Variants in TYW1B observed in about 807,000 individuals in gnomAD.
TYW1B encodes the protein tRNA-yW synthesizing protein 1 homolog B.
Under a neutral mutation model 86.9 loss-of-function variants are expected in TYW1B, and 73 were observed. The observed-to-expected ratio is 0.84, with a 90% CI of 0.70 to 1.02. The LOEUF (loss-of-function observed/expected upper bound fraction) is 1.02. Ranked by LOEUF, TYW1B falls within the 50% of genes least tolerant of loss-of-function variation. The probability of loss-of-function intolerance (pLI) is 0.00; values close to 1 mark genes in which losing one functional copy is unlikely to be tolerated. For missense variants in TYW1B, 637 were observed against 827.4 expected (o/e 0.77, Z 2.82); for synonymous variants, 248 against 292.8 (o/e 0.85, Z 1.56).
chr7:72,653,157 AAGTC>A (rs1485887384), intron 11 of TYW1B, among the ~76,000 whole-genome samples: 12 of 152,324 alleles, frequency 7.9e-5, no homozygotes, highest in African/African-American at 2.6e-4. Flanking sequence ...GAAATTATAA[AAGTC>A]AGAGCAGAAA....
intron 6 of TYW1B, among the ~76,000 whole-genome samples, chr7:72,779,439 G>A (rs558476940): frequency 2.7e-3 from 411 of 152,404 alleles, no homozygotes; most frequent in African/African-American, 9.5e-3. Context: ...ACACGTGGCC[G>A]GGCACGTTGG....
At chr7:72,776,340 T>G (rs1554470525) in intron 7 of TYW1B, among the ~76,000 whole-genome samples, 1 of 151,938 alleles carries the variant, frequency 6.6e-6, no homozygotes, top group Non-Finnish European at 1.5e-5. Context: ...ATCCCAGCAC[T>G]TTGGGAGGCT....
At chr7:72,740,091 G>C (rs1787275017) in intron 8 of TYW1B, among the ~76,000 whole-genome samples, 2 of 149,818 alleles carry the variant, frequency 1.3e-5, no homozygotes, top group South Asian at 4.3e-4. Flanking sequence ...AAATTAGCCG[G>C]GTGTGGTGGC....
At chr7:72,710,912 C>T (rs73135166) in intron 10 of TYW1B, among the ~76,000 whole-genome samples, 586 of 152,304 alleles carry the variant, frequency 3.8e-3, no homozygotes, top group Non-Finnish European at 4.6e-3. Flanking sequence ...AATACTTTCA[C>T]CTTTTTTCAC....
intron 13 of TYW1B, among the ~76,000 whole-genome samples, chr7:72,579,856 G>T (rs1256343060): frequency 1.3e-5 from 2 of 152,022 alleles, no homozygotes; most frequent in African/African-American, 4.8e-5. Context: ...TAGCTATTTT[G>T]CCCAGGCTGC....
At chr7:72,806,394 C>T (rs1788495928) in intron 5 of TYW1B, among the ~76,000 whole-genome samples, 2 of 151,960 alleles carry the variant, frequency 1.3e-5, no homozygotes, top group Admixed American at 6.6e-5. Context: ...CGCCACCACA[C>T]CTGGCTAATC....
intron 13 of TYW1B, among the ~76,000 whole-genome samples, chr7:72,582,925 G>A (rs1811191295): frequency 6.6e-6 from 1 of 152,152 alleles, no homozygotes; most frequent in African/African-American, 2.4e-5. Context: ...TGTGAACAGT[G>A]TTCACGTGGT....
intron 13 of TYW1B, among the ~76,000 whole-genome samples, chr7:72,614,363 T>C (rs552974518): frequency 7.8e-4 from 119 of 152,304 alleles, no homozygotes; most frequent in African/African-American, 2.7e-3. Context: ...CTGGGCATGG[T>C]GGCCCATGCC....
intron 6 of TYW1B, among the ~76,000 whole-genome samples, chr7:72,795,263 C>T (rs756919948): frequency 1.3e-5 from 2 of 152,008 alleles, no homozygotes; most frequent in Non-Finnish European, 2.9e-5. Flanking sequence ...ACAAAAAAAT[C>T]CACTGCAAAT....
intron 9 of TYW1B, among the ~76,000 whole-genome samples, chr7:72,725,115 C>T (rs1185413701): frequency 6.6e-6 from 1 of 152,322 alleles, no homozygotes; most frequent in African/African-American, 2.4e-5. Flanking sequence ...ATGAAAAACA[C>T]GTGCTCACGG....
At chr7:72,666,754 G>A (rs1223474243) in intron 11 of TYW1B, among the ~76,000 whole-genome samples, 14 of 151,828 alleles carry the variant, frequency 9.2e-5, no homozygotes, top group African/African-American at 3.1e-4. Flanking sequence ...GAAACCAGTC[G>A]GGCGCGGTGG....
At chr7:72,782,413 C>A (rs1223045100) in intron 6 of TYW1B, among the ~76,000 whole-genome samples, 1 of 152,198 alleles carries the variant, frequency 6.6e-6, no homozygotes, top group Admixed American at 6.6e-5. Flanking sequence ...AACTGATTTG[C>A]TGAAGACTTT....
intron 13 of TYW1B, among the ~76,000 whole-genome samples, chr7:72,588,439 C>T (rs1483905005): frequency 6.6e-6 from 1 of 152,162 alleles, no homozygotes; most frequent in East Asian, 1.9e-4. Flanking sequence ...TAAGAGAATA[C>T]TGTGCAAAAC....
chr7:72,789,235 G>A (rs782139465), intron 6 of TYW1B, among the ~76,000 whole-genome samples: 1 of 152,080 alleles, frequency 6.6e-6, no homozygotes, highest in Non-Finnish European at 1.5e-5. Flanking sequence ...CCGAGTTCAA[G>A]CGATTCTCCT....
chr7:72,659,540 T>C (rs534517377), intron 11 of TYW1B, among the ~76,000 whole-genome samples: 67 of 152,242 alleles, frequency 4.4e-4, no homozygotes, highest in African/African-American at 1.6e-3. Flanking sequence ...ATCATGCCAC[T>C]GCACTCTAGC....
At chr7:72,742,527 G>T (rs559253173) in intron 8 of TYW1B, among the ~76,000 whole-genome samples, 5 of 152,296 alleles carry the variant, frequency 3.3e-5, no homozygotes, top group Admixed American at 3.3e-4. Context: ...TGGGCATACA[G>T]TATATAAAGT....
At chr7:72,642,640 C>T (rs528438070) in intron 11 of TYW1B, among the ~76,000 whole-genome samples, 12 of 152,318 alleles carry the variant, frequency 7.9e-5, no homozygotes, top group African/African-American at 2.4e-4. Flanking sequence ...CAGTGGCTCA[C>T]GCCTGTAATC....
intron 8 of TYW1B, among the ~76,000 whole-genome samples, chr7:72,734,903 G>A (rs1293615070): frequency 1.5e-4 from 23 of 152,032 alleles, no homozygotes; most frequent in South Asian, 4.1e-4. Flanking sequence ...AATCAAAACC[G>A]CAATGAAATT....
chr7:72,711,233 C>T (rs782216005), intron 10 of TYW1B, among the ~76,000 whole-genome samples: 2 of 152,036 alleles, frequency 1.3e-5, no homozygotes, highest in Non-Finnish European at 2.9e-5. Flanking sequence ...GCTATGCCTG[C>T]CGCGCAGAAA....
Sources: gnomAD v4.1 joint callset for allele counts (sites outside exome capture counted in the v4.1 genomes callset) on GRCh38, gnomAD v4.1.1 for gene constraint, MANE v1.5 for transcripts, NCBI Gene and HGNC (gene_info 2026-07-23, HGNC 2026-07-21) for gene names.